The following PCDHA13 variants were observed in gnomAD, a reference collection of about 807,000 sequenced individuals.
PCDHA13 encodes protocadherin alpha 13.
A neutral mutation model predicts 64.8 loss-of-function variants in PCDHA13; 54 were observed. That is an observed-to-expected ratio of 0.83 (90% confidence interval 0.67 to 1.04). The LOEUF is 1.04. PCDHA13 is among the 50% of genes least tolerant of loss of function. The pLI is 0.00. For missense variants in PCDHA13, 1,248 were observed against 1,254.3 expected, an observed-to-expected ratio of 0.99 and a Z score of 0.08; for synonymous variants, 587 against 564.4, an observed-to-expected ratio of 1.04 and a Z score of -0.57.
At chr5:140,929,205 G>T in intron 1 of PCDHA13, 1 of 1,614,120 alleles carries the variant, frequency 6.2e-7, no homozygotes, top group Non-Finnish European at 8.5e-7. Flanking sequence ...GTTTGCTGTT[G>T]CGTGGGGAGT....
chr5:140,883,416 G>T lies in PCDHA13; in HGVS notation c.1148G>T (p.Gly383Val). The part of the protein sequence containing the change: ...SVSDRDSGSN[G>V]QVTCTLTPHV... ...TCCGATCGTGACTCTGGCTCAAATG[G>T]ACAGGTCACCTGCACCTTGACGCCG... The change falls in exon 1 of 4, where the codon GGA becomes GTA. Residue 383 changes from glycine (G) to valine (V), a missense_variant. Transcript: ENST00000289272. The T allele has an allele frequency of 6.2e-7, 1 of 1,614,158 alleles. No homozygotes were observed. Among genetic ancestry groups the T allele is most frequent in the Non-Finnish European group, 8.5e-7 (1 of 1,180,028 alleles).
intron 1 of PCDHA13, among the ~76,000 whole-genome samples, chr5:140,911,559 C>T (rs2075532280): frequency 6.6e-6 from 1 of 152,168 alleles, no homozygotes; most frequent in Non-Finnish European, 1.5e-5. Flanking sequence ...CATTTTCTTT[C>T]ATCACTTTGT....
chr5:140,915,222 C>T (rs2153533644), intron 1 of PCDHA13, among the ~76,000 whole-genome samples: 1 of 152,292 alleles, frequency 6.6e-6, no homozygotes, highest in South Asian at 2.1e-4. Context: ...GCTGGGATTA[C>T]AGGCATGAGC....
intron 1 of PCDHA13, among the ~76,000 whole-genome samples, chr5:140,945,740 C>A (rs966678098): frequency 5.9e-5 from 9 of 151,998 alleles, no homozygotes; most frequent in African/African-American, 2.2e-4. Flanking sequence ...AAAAGGACAG[C>A]CTCTTCAATA....
chr5:140,937,527 G>A (rs1190290782), intron 1 of PCDHA13, among the ~76,000 whole-genome samples: 3 of 152,250 alleles, frequency 2.0e-5, no homozygotes, highest in Non-Finnish European at 4.4e-5. Flanking sequence ...TGAGGCAGGA[G>A]AATTGCTTGA....
At chr5:140,942,332 C>T (rs2093271266) in intron 1 of PCDHA13, among the ~76,000 whole-genome samples, 1 of 151,760 alleles carries the variant, frequency 6.6e-6, no homozygotes, top group Non-Finnish European at 1.5e-5. Flanking sequence ...ATCACTTGAA[C>T]CAGAGGGAGG....
At chr5:140,997,510 C>T (rs536611731) in intron 3 of PCDHA13, among the ~76,000 whole-genome samples, 60 of 152,102 alleles carry the variant, frequency 3.9e-4, no homozygotes, top group Non-Finnish European at 6.9e-4. Context: ...CATACCTAAA[C>T]GCAGAAAAAG....
intron 1 of PCDHA13, among the ~76,000 whole-genome samples, chr5:140,908,608 G>T (rs1350424326): frequency 6.6e-6 from 1 of 152,182 alleles, no homozygotes; most frequent in African/African-American, 2.4e-5. Flanking sequence ...GAAGGGCCTT[G>T]CTCCAAAATC....
At chr5:140,976,515 C>T (rs1285704969) in intron 1 of PCDHA13, among the ~76,000 whole-genome samples, 1 of 152,016 alleles carries the variant, frequency 6.6e-6, no homozygotes, top group Non-Finnish European at 1.5e-5. Flanking sequence ...CGCGCCACTG[C>T]ACACCAGCCT....
chr5:140,929,381 G>GT (rs1554207059), intron 1 of PCDHA13: 2 of 1,510,858 alleles, frequency 1.3e-6, no homozygotes, highest in African/African-American at 1.4e-5. Flanking sequence ...TGCTAGCTGT[G>GT]TTTTGAAATA....
intron 1 of PCDHA13, among the ~76,000 whole-genome samples, chr5:140,922,731 T>A (rs59295733): frequency 0.057 from 8,631 of 152,032 alleles, 722 homozygotes; most frequent in African/African-American, 0.19. Flanking sequence ...CTTGACAAGG[T>A]TGAGAAAAAT....
chr5:140,898,228 C>T (rs1302111875), intron 1 of PCDHA13, among the ~76,000 whole-genome samples: 1 of 152,118 alleles, frequency 6.6e-6, no homozygotes, highest in Non-Finnish European at 1.5e-5. Flanking sequence ...CTTTTGTTGC[C>T]ATTGCTTTTG....
Position 140,985,833 on chromosome 5 carries a change from G to A in PCDHA13, c.2542+3270G>A, listed in dbSNP as rs1458914557. Among the ~76,000 whole-genome samples the A allele has an allele frequency of 2.8e-5, 4 of 143,674 alleles. No homozygotes were observed. In the East Asian group the frequency reaches 6.5e-4, roughly 23 times the overall value. The allele number at this position is 143,674 out of a possible 152,430, so 94.3% of individuals were successfully genotyped here. A position where few individuals can be genotyped will look rare whatever the true frequency, so the allele number is the denominator to read the frequency against. ...CAGCTCACAACAAGCTCTGCCTCCC[G>A]GGTTCATGCCACTCTCCTGCCTCAG... On this transcript the variant is annotated intron_variant, in intron 3 of 3. Coordinates refer to ENST00000289272, the MANE Select transcript of PCDHA13 (RefSeq NM_018904.3).
intron 1 of PCDHA13, chr5:140,927,104 C>T (rs1554204027): frequency 6.2e-7 from 1 of 1,613,722 alleles, no homozygotes; most frequent in Admixed American, 1.7e-5. Flanking sequence ...GTGGATCTAC[C>T]CAGCGGCAAT....
intron 3 of PCDHA13, among the ~76,000 whole-genome samples, chr5:140,986,945 C>G (rs1295830111): frequency 1.3e-5 from 2 of 151,946 alleles, no homozygotes; most frequent in Non-Finnish European, 2.9e-5. Context: ...TGGGTGTGGT[C>G]GCTCATGCCT....
chr5:140,939,311 C>A (rs972598257), intron 1 of PCDHA13, among the ~76,000 whole-genome samples: 1 of 152,130 alleles, frequency 6.6e-6, no homozygotes, highest in African/African-American at 2.4e-5. Flanking sequence ...AAAGCCCTAC[C>A]TCCTAATATC....
intron 1 of PCDHA13, among the ~76,000 whole-genome samples, chr5:140,924,369 G>A (rs2081798645): frequency 6.6e-6 from 1 of 152,144 alleles, no homozygotes; most frequent in Admixed American, 6.5e-5. Context: ...AGGCAAACTA[G>A]CCAAGGGGTA....
At chr5:140,927,376 A>G (rs1554204440) in intron 1 of PCDHA13, 13 of 1,614,094 alleles carry the variant, frequency 8.1e-6, no homozygotes, top group East Asian at 2.2e-5. Context: ...ACTAAGCTAC[A>G]GCCTAAGCCC....
chr5:140,919,613 A>G (rs993064588), intron 1 of PCDHA13, among the ~76,000 whole-genome samples: 1 of 152,270 alleles, frequency 6.6e-6, no homozygotes, highest in South Asian at 2.1e-4. Context: ...TTTAAACTGT[A>G]TCTTTTGAGT....
Sources: gnomAD v4.1 joint callset for allele counts (sites outside exome capture counted in the v4.1 genomes callset) on GRCh38, gnomAD v4.1.1 for gene constraint, MANE v1.5 for transcripts, NCBI Gene and HGNC (gene_info 2026-07-23, HGNC 2026-07-21) for gene names.